The following GON4L variants were observed in gnomAD, a reference collection of about 807,000 sequenced individuals.
GON4L encodes the protein GON-4-like protein.
In GON4L, 87 loss-of-function variants were observed where a neutral mutation model predicts 211.8. That is an observed-to-expected ratio of 0.41 (90% CI 0.35 to 0.49). The LOEUF is 0.49. Ranked by LOEUF, GON4L falls within the 20% of genes least tolerant of loss-of-function variation. The pLI is 0.15. For missense variants in GON4L, 2,155 were observed against 2,659.5 expected (o/e 0.81, Z 4.17); for synonymous variants, 875 against 962.6 (o/e 0.91, Z 1.68).
chr1:155,819,927 G>GC (rs1381644641), intron 6 of GON4L, among the ~76,000 whole-genome samples: 1 of 151,910 alleles, frequency 6.6e-6, no homozygotes, highest in African/African-American at 2.4e-5. Context: ...GTTTGTTTTT[G>GC]TTTTTTTGAG....
At chr1:155,804,868 C>A in intron 11 of GON4L, 81 bp downstream of exon 11, 1 of 926,722 alleles carries the variant, frequency 1.1e-6, no homozygotes, top group Non-Finnish European at 1.8e-6. Context: ...CAAACCATTC[C>A]ATTCTATACC....
intron 2 of GON4L, among the ~76,000 whole-genome samples, chr1:155,834,012 G>T (rs955782155): frequency 1.3e-5 from 2 of 151,950 alleles, no homozygotes; most frequent in African/African-American, 4.8e-5. Flanking sequence ...TTTCTGTAGA[G>T]ATGGAACCTA....
chr1:155,807,703 CAAAAAAAAAAA>C (rs61248477), intron 10 of GON4L, among the ~76,000 whole-genome samples: 1 of 52,888 alleles, frequency 1.9e-5, no homozygotes, highest in Non-Finnish European at 3.0e-5. Flanking sequence ...GACTCCGTCT[CAAAAAAAAAAA>C]AAAAAAAAAA....
At chr1:155,790,712 G>A (rs1054315693) in intron 12 of GON4L, among the ~76,000 whole-genome samples, 13 of 151,888 alleles carry the variant, frequency 8.6e-5, no homozygotes, top group Non-Finnish European at 1.8e-4. Flanking sequence ...TTGGGAGGCC[G>A]AGGTGGGCGG....
At chr1:155,752,810 A>C (rs573833368) in intron 29 of GON4L, among the ~76,000 whole-genome samples, 13 of 152,288 alleles carry the variant, frequency 8.5e-5, no homozygotes, top group African/African-American at 2.9e-4. Flanking sequence ...CCATCTCTAC[A>C]AGAAAATATA....
At chr1:155,778,714 TCCC>T (rs1664088230) in intron 14 of GON4L, among the ~76,000 whole-genome samples, 1 of 152,070 alleles carries the variant, frequency 6.6e-6, no homozygotes. Context: ...CTTCCCCCGC[TCCC>T]CCAACAGGCC....
At chr1:155,859,045 T>C (rs1672487175), upstream of GON4L, among the ~76,000 whole-genome samples, 1 of 152,088 alleles carries the variant, frequency 6.6e-6, no homozygotes, top group South Asian at 2.1e-4. Context: ...TCCCCAGGTT[T>C]GGTCTTTCAT....
At chr1:155,847,951 A>G (rs1671410223) in intron 2 of GON4L, among the ~76,000 whole-genome samples, 1 of 152,194 alleles carries the variant, frequency 6.6e-6, no homozygotes, top group Non-Finnish European at 1.5e-5. Flanking sequence ...ATGACAGTTT[A>G]CAAATGCCAT....
chr1:155,837,862 G>A (rs1010783451), intron 2 of GON4L, among the ~76,000 whole-genome samples: 18 of 152,166 alleles, frequency 1.2e-4, no homozygotes, highest in African/African-American at 4.3e-4. Context: ...TTAGCCATGT[G>A]AACAGGTTTC....
intron 2 of GON4L, among the ~76,000 whole-genome samples, chr1:155,837,406 C>T (rs1218208974): frequency 6.6e-6 from 1 of 152,208 alleles, no homozygotes; most frequent in Admixed American, 6.5e-5. Flanking sequence ...CCCCAATTCA[C>T]ATTTGCTGCT....
intron 12 of GON4L, among the ~76,000 whole-genome samples, chr1:155,792,355 A>C (rs1665680810): frequency 6.6e-6 from 1 of 152,182 alleles, no homozygotes; most frequent in Non-Finnish European, 1.5e-5. Flanking sequence ...TAAAAATTCT[A>C]CTCCAGCTTT....
chr1:155,821,446 A>G, intron 5 of GON4L, 28 bp downstream of exon 5: 2 of 1,394,542 alleles, frequency 1.4e-6, no homozygotes, highest in South Asian at 1.2e-5. Flanking sequence ...GTTCCAAGAC[A>G]TTAAAAGAGT....
At chr1:155,816,290 GTT>G in intron 6 of GON4L, 28 bp from the exon 7 acceptor site, 2 of 1,027,238 alleles carry the variant, frequency 1.9e-6, no homozygotes, top group Non-Finnish European at 3.1e-6. Context: ...AAATAATTAA[GTT>G]ATCTTAACTG....
chr1:155,797,725 T>C (rs1293213164), intron 11 of GON4L, among the ~76,000 whole-genome samples: 1 of 150,422 alleles, frequency 6.6e-6, no homozygotes, highest in Non-Finnish European at 1.5e-5. Flanking sequence ...TAATGGTGCG[T>C]GCCTGTAATT....
At chr1:155,809,994 A>ATTAAT (rs1667578228) in intron 10 of GON4L, among the ~76,000 whole-genome samples, 1 of 7,352 alleles carries the variant, frequency 1.4e-4, no homozygotes, top group Non-Finnish European at 6.0e-4. Context: ...ATATATAATT[A>ATTAAT]TATATATATA....
chr1:155,814,401 C>T lies in GON4L; in HGVS notation c.1210G>A (p.Ala404Thr), dbSNP rs777176522. ...VESTASSPRG[A>T]KKSRLRQSSE... The stretch of plus-strand genomic sequence containing the variant: ...GACTGCCTCAATCTGGATTTCTTTG[C>T]CCCACGTGGAGATGAAGCAGTGCTT... Residue 404 changes from alanine (A) to threonine (T), a missense_variant, in exon 9 of 32, where the codon GCA (alanine) becomes ACA (threonine). Around this residue, in one of 6 missense-constraint regions of GON4L, gnomAD observed 551 missense variants for 854.0 expected, o/e 0.65. Coordinates refer to ENST00000368331, the MANE Select transcript of GON4L (RefSeq NM_001282860.2). 7 of 1,612,780 alleles carry T rather than the reference C, an allele frequency of 4.3e-6. No homozygotes were observed. In the Admixed American group the frequency reaches 1.2e-4, roughly 27 times the overall value.
At chr1:155,784,156 A>G in intron 13 of GON4L, 67 bp from the exon 14 acceptor site, 6 of 1,588,056 alleles carry the variant, frequency 3.8e-6, no homozygotes, top group Non-Finnish European at 5.2e-6. Flanking sequence ...CAGTATTGGG[A>G]AGGAAGAGTG....
intron 12 of GON4L, among the ~76,000 whole-genome samples, chr1:155,787,178 G>A (rs1467158477): frequency 1.3e-5 from 2 of 152,140 alleles, no homozygotes; most frequent in African/African-American, 4.8e-5. Flanking sequence ...CCAAAATGCT[G>A]GGATTACAGG....
Position 155,749,729 on chromosome 1 carries a change from C to T in GON4L, c.*855G>A. 1.2e-6 allele frequency: 1 copy of T among 841,854 alleles called. No individual in the cohort carries two copies. Among genetic ancestry groups the T allele is most frequent in the South Asian group, 1.7e-5 (1 of 57,274 alleles). The allele number at this position is 841,854 out of a possible 1,614,324, so 52.1% of individuals were successfully genotyped here. A position where few individuals can be genotyped will look rare whatever the true frequency, so the allele number is the denominator to read the frequency against. ...AGTGCTGAAAAAGTCCACAGTTAAA[C>T]ATTCCTTTATTCACCCTATGGCTCC... On this transcript the variant is annotated 3_prime_UTR_variant, in exon 32 of 32. Coordinates refer to ENST00000368331, the MANE Select transcript of GON4L (RefSeq NM_001282860.2).
Sources: allele counts gnomAD v4.1 joint callset (sites outside exome capture counted in the v4.1 genomes callset), GRCh38; gene constraint gnomAD v4.1.1; regional missense constraint gnomAD v4.1.1; transcripts MANE v1.5; gene names NCBI Gene and HGNC (gene_info 2026-07-23, HGNC 2026-07-21).